SARNP: variants seen among roughly 807,000 people sequenced by gnomAD.
The protein encoded by SARNP is SAP domain-containing ribonucleoprotein.
In SARNP, 5 loss-of-function variants were observed where a neutral mutation model predicts 38.1. The ratio of observed to expected loss-of-function variants is 0.13; its 90% CI spans 0.07 to 0.28. The LOEUF (loss-of-function observed/expected upper bound fraction) is 0.28. Among genes scored for constraint, SARNP ranks in the 10% least tolerant of loss-of-function variants. SARNP has a pLI of 1.00. For synonymous variants in SARNP, 84 were observed against 80.6 expected (o/e 1.04, Z -0.23); for missense variants, 180 against 243.9 (o/e 0.74, Z 1.75).
intron 9 of SARNP, among the ~76,000 whole-genome samples, chr12:55,788,670 G>A (rs374916908): frequency 1.4e-4 from 22 of 152,034 alleles, no homozygotes; most frequent in Non-Finnish European, 2.4e-4. Context: ...ATGGTGGCAC[G>A]TGCCTGTAGT....
At chr12:55,816,012 G>A (rs1329286136) in intron 1 of SARNP, 1 of 152,204 alleles carries the variant, frequency 6.6e-6, no homozygotes, top group Non-Finnish European at 1.5e-5. Context: ...AGTGCCTAAT[G>A]TTCTCTTAGA....
At position 55,800,800 on chromosome 12, in the gene SARNP, G is replaced by A. The variant is rs895890270; in HGVS notation, c.183+54C>T. On this transcript the variant is annotated intron_variant, in intron 3 of 10. Coordinates refer to ENST00000336133, the MANE Select transcript of SARNP (RefSeq NM_033082.4). ...CTCCAATGACTGATGTTAAAGCAAT[G>A]TGGCCAAAGCAGTGGCACATTACCA... 2.7e-4 allele frequency: 399 copies of A among 1,483,966 alleles called. 1 individual carries two copies. The highest frequency in any genetic ancestry group is 1.4e-3 in the Middle Eastern group (8 of 5,828). 91.9% of individuals were successfully genotyped at this position (1,483,966 alleles called of 1,614,324 possible). A position where few individuals can be genotyped will look rare whatever the true frequency, so the allele number is the denominator to read the frequency against.
chr12:55,800,786 G>A, intron 3 of SARNP, 68 bp downstream of exon 3: 1 of 1,395,430 alleles, frequency 7.2e-7, no homozygotes, highest in Non-Finnish European at 1.0e-6. Context: ...TCCAATGACT[G>A]ATGTTAAAGC....
intron 6 of SARNP, 21 bp from the exon 7 acceptor site, chr12:55,794,408 T>TA: frequency 6.2e-7 from 1 of 1,605,464 alleles, no homozygotes; most frequent in Admixed American, 1.7e-5. Context: ...AAAAACAAAC[T>TA]AAATTTTAGG....
At chr12:55,791,446 G>A (rs1285369949) in intron 7 of SARNP, among the ~76,000 whole-genome samples, 1 of 152,122 alleles carries the variant, frequency 6.6e-6, no homozygotes, top group Non-Finnish European at 1.5e-5. Context: ...TGTAATCCCA[G>A]CACTTTTGGA....
chr12:55,779,256 GAGGGGGGAAA>G (rs1237909562), intron 9 of SARNP, among the ~76,000 whole-genome samples: 1 of 152,180 alleles, frequency 6.6e-6, no homozygotes. Context: ...TAGGATGAAG[GAGGGGGGAAA>G]TTCCCCCAAA....
chr12:55,774,272 G>T (rs1879096412), intron 9 of SARNP, among the ~76,000 whole-genome samples: 1 of 151,988 alleles, frequency 6.6e-6, no homozygotes, highest in African/African-American at 2.4e-5. Flanking sequence ...AAAGTGTTGG[G>T]ATTACAGGCA....
At chr12:55,802,813 G>T (rs1880020566) in intron 2 of SARNP, among the ~76,000 whole-genome samples, 1 of 151,124 alleles carries the variant, frequency 6.6e-6, no homozygotes, top group Non-Finnish European at 1.5e-5. Context: ...AAAATTTTCT[G>T]TCACCGAGTG....
intron 9 of SARNP, among the ~76,000 whole-genome samples, chr12:55,785,942 T>TA (rs1879479735): frequency 6.6e-6 from 1 of 152,142 alleles, no homozygotes; most frequent in African/African-American, 2.4e-5. Flanking sequence ...CCTGGCCCTG[T>TA]ATCCAATTAT....
In SARNP at chr12:55,757,398, C is replaced by T; in HGVS notation, c.*114G>A. On this transcript the variant is annotated 3_prime_UTR_variant, in exon 11 of 11. Coordinates refer to ENST00000336133, the MANE Select transcript of SARNP (RefSeq NM_033082.4). Reference sequence around the variant, plus strand: ...ATGGATGTACCTGGGGTACATGCTCCCTCATTGCGAGGCAGGACGTAGGCA... The same window carrying T: ...ATGGATGTACCTGGGGTACATGCTCTCTCATTGCGAGGCAGGACGTAGGCA... The T allele has an allele frequency of 1.3e-6, 1 of 746,210 alleles. No individual in the cohort carries two copies. 46.2% of individuals were successfully genotyped at this position (746,210 alleles called of 1,614,324 possible). A position where few individuals can be genotyped will look rare whatever the true frequency, so the allele number is the denominator to read the frequency against.
At chr12:55,800,984 G>T in intron 2 of SARNP, 84 bp from the exon 3 acceptor site, 1 of 1,170,602 alleles carries the variant, frequency 8.5e-7, no homozygotes, top group Non-Finnish European at 1.3e-6. Flanking sequence ...TAATCACTTT[G>T]CTTTCCCCCA....
Position 55,812,897 on chromosome 12 carries a change from G to A in SARNP, c.36+4769C>T, listed in dbSNP as rs116938339. 8.4e-3 allele frequency among the ~76,000 whole-genome samples: 1,279 copies of A among 152,144 alleles called. 9 individuals carry two copies. Among genetic ancestry groups the A allele is most frequent in the South Asian group, 0.021 (101 of 4,824 alleles). On this transcript the variant is annotated intron_variant, in intron 1 of 10. Transcript: ENST00000336133. ...AAAACATAAGAGTCCTTCCCATTCC[G>A]AGCTTACAATCTTGCAGAGAACAAA... is the stretch of plus-strand genomic sequence containing the variant.
intron 1 of SARNP, among the ~76,000 whole-genome samples, chr12:55,804,096 T>G (rs376346673): frequency 1.3e-5 from 2 of 152,184 alleles, no homozygotes; most frequent in African/African-American, 4.8e-5. Flanking sequence ...AACCTTCAAG[T>G]AGAAAATCCA....
intron 1 of SARNP, among the ~76,000 whole-genome samples, chr12:55,811,531 C>A (rs1880327350): frequency 6.6e-6 from 1 of 152,172 alleles, no homozygotes; most frequent in South Asian, 2.1e-4. Context: ...GATTGTGCCA[C>A]TACACTCCAG....
chr12:55,809,495 C>A (rs1801678712), intron 1 of SARNP, among the ~76,000 whole-genome samples: 1 of 151,728 alleles, frequency 6.6e-6, no homozygotes. Context: ...TGATTCACAT[C>A]TGTCATCCTA....
intron 2 of SARNP, among the ~76,000 whole-genome samples, chr12:55,801,166 G>C (rs1879968037): frequency 6.6e-6 from 1 of 152,210 alleles, no homozygotes; most frequent in South Asian, 2.1e-4. Flanking sequence ...GTTGGGCCAG[G>C]CACCGTGGCT....
At chr12:55,786,381 G>C (rs540330983) in intron 9 of SARNP, among the ~76,000 whole-genome samples, 15 of 152,286 alleles carry the variant, frequency 9.8e-5, no homozygotes, top group African/African-American at 3.4e-4. Flanking sequence ...AACTAGGGCC[G>C]CAGAACCAAG....
intron 9 of SARNP, among the ~76,000 whole-genome samples, chr12:55,766,616 CGGGG>C (rs58583137): frequency 0.015 from 569 of 38,120 alleles, 29 homozygotes; most frequent in African/African-American, 0.056. Flanking sequence ...GTTTTTTTGG[CGGGG>C]GGGGGGGGGG....
At chr12:55,765,130 C>G (rs1175156862) in intron 9 of SARNP, among the ~76,000 whole-genome samples, 1 of 152,086 alleles carries the variant, frequency 6.6e-6, no homozygotes, top group Admixed American at 6.6e-5. Context: ...AAACTTTTTT[C>G]CATTCAATTT....
Sources: allele counts gnomAD v4.1 joint callset (sites outside exome capture counted in the v4.1 genomes callset), GRCh38; gene constraint gnomAD v4.1.1; transcripts MANE v1.5; gene names NCBI Gene and HGNC (gene_info 2026-07-23, HGNC 2026-07-21).